Variants in ILKAP observed in about 807,000 individuals in gnomAD.
ILKAP encodes the protein integrin-linked kinase-associated serine/threonine phosphatase 2C.
A neutral mutation model predicts 49.1 loss-of-function variants in ILKAP; 11 were observed. That is an observed-to-expected ratio of 0.22 (90% CI 0.14 to 0.37). The LOEUF (loss-of-function observed/expected upper bound fraction) is 0.37, where lower values mean the gene tolerates loss of function less well. Ranked by LOEUF, ILKAP falls within the 10% of genes least tolerant of loss-of-function variation. ILKAP has a pLI of 1.00. For missense variants in ILKAP, 363 were observed against 510.8 expected (o/e 0.71, Z 2.79); for synonymous variants, 186 against 192.8 (o/e 0.96, Z 0.29).
At chr2:238,196,382 T>C (rs1340923239) in intron 1 of ILKAP, among the ~76,000 whole-genome samples, 1 of 152,084 alleles carries the variant, frequency 6.6e-6, no homozygotes, top group Non-Finnish European at 1.5e-5. Context: ...TGAGCCACCA[T>C]GTCTGGTCTA....
intron 9 of ILKAP, among the ~76,000 whole-genome samples, chr2:238,174,349 A>G (rs1487383629): frequency 1.3e-5 from 2 of 152,330 alleles, no homozygotes; most frequent in Admixed American, 1.3e-4. Flanking sequence ...ACTGCCCCAA[A>G]GAACAATTCT....
chr2:238,187,910 T>A (rs1327789929), intron 5 of ILKAP, among the ~76,000 whole-genome samples: 2 of 152,188 alleles, frequency 1.3e-5, no homozygotes, highest in African/African-American at 4.8e-5. Context: ...ACCCACCAGA[T>A]GCCAGTAACA....
intron 8 of ILKAP, among the ~76,000 whole-genome samples, chr2:238,183,079 G>T (rs1357022825): frequency 2.0e-5 from 3 of 152,154 alleles, no homozygotes; most frequent in Non-Finnish European, 2.9e-5. Context: ...GGCAGGGTCT[G>T]CATCCAGCTT....
rs1559293282 is a variant in ILKAP at position 238,183,742 on chromosome 2, TG to T, written c.627-3del. The T allele has an allele frequency of 2.5e-6, 4 of 1,611,014 alleles. No individual in the cohort carries two copies. Among genetic ancestry groups the T allele is most frequent in the East Asian group, 2.2e-5 (1 of 44,860 alleles). ...GACCCATCTTTCCAGGCAGGCTTCC[TG>T]GGGGGAAACACATCAGAAACACAGT... On this transcript the variant is annotated splice_region_variant and splice_polypyrimidine_tract_variant and intron_variant, in intron 7 of 11. Transcript: ENST00000254654.
chr2:238,172,696 C>A (rs1693279299), intron 10 of ILKAP, among the ~76,000 whole-genome samples: 2 of 152,220 alleles, frequency 1.3e-5, no homozygotes, highest in Non-Finnish European at 2.9e-5. Flanking sequence ...CAAAGCAAGG[C>A]ACGCGCTCTT....
At chr2:238,172,832 G>A (rs1475669073) in intron 10 of ILKAP, among the ~76,000 whole-genome samples, 1 of 152,142 alleles carries the variant, frequency 6.6e-6, no homozygotes, top group Non-Finnish European at 1.5e-5. Flanking sequence ...AGCTTTCCTT[G>A]ACCCCTCCTG....
chr2:238,197,089 G>A (rs2106341119), intron 1 of ILKAP, among the ~76,000 whole-genome samples: 1 of 152,308 alleles, frequency 6.6e-6, no homozygotes, highest in East Asian at 1.9e-4. Flanking sequence ...CCAGCTACTT[G>A]GGAGGCTGAA....
At chr2:238,188,357 C>A (rs1190820508) in intron 4 of ILKAP, 100 bp from the exon 5 acceptor site, 1 of 1,389,822 alleles carries the variant, frequency 7.2e-7, no homozygotes, top group African/African-American at 1.4e-5. Flanking sequence ...CTGTCTGACT[C>A]AGCAATATCC....
chr2:238,175,742 C>A (rs1446960987), intron 9 of ILKAP, among the ~76,000 whole-genome samples: 1 of 152,198 alleles, frequency 6.6e-6, no homozygotes, highest in African/African-American at 2.4e-5. Flanking sequence ...CCACAGGCTT[C>A]GTCCTTCCCA....
chr2:238,185,697 G>T lies in ILKAP; in HGVS notation c.426-410C>A, dbSNP rs34413717. ...CAGGCACCTACAGTCCCAGCTACTC[G>T]GGAGGCTGAGGCAGGAGAATGGCGT... On this transcript the variant is annotated intron_variant, in intron 5 of 11. Transcript: ENST00000254654. 1,259 of 158,074 alleles carry T rather than the reference G, an allele frequency of 8.0e-3. 45 individuals carry two copies. Among genetic ancestry groups the T allele is most frequent in the East Asian group, 0.048 (262 of 5,434 alleles). 9.8% of individuals were successfully genotyped at this position (158,074 alleles called of 1,614,324 possible).
chr2:238,194,394 C>G, intron 2 of ILKAP, 63 bp from the exon 3 acceptor site: 1 of 1,497,606 alleles, frequency 6.7e-7, no homozygotes, highest in Non-Finnish European at 9.3e-7. Context: ...GTTTCAGAAT[C>G]CATCCCACCA....
chr2:238,172,197 GC>G (rs1574776233), intron 10 of ILKAP, among the ~76,000 whole-genome samples: 1 of 151,932 alleles, frequency 6.6e-6, no homozygotes, highest in African/African-American at 2.4e-5. Context: ...GATTACAGGC[GC>G]CCACCACCAC....
chr2:238,186,136 T>C (rs1693899459), intron 5 of ILKAP: 1 of 152,252 alleles, frequency 6.6e-6, no homozygotes, highest in African/African-American at 2.4e-5. Flanking sequence ...GTGACTTTGT[T>C]GTGTGAACAT....
chr2:238,199,355 A>G (rs1694477613), intron 1 of ILKAP, among the ~76,000 whole-genome samples: 1 of 152,228 alleles, frequency 6.6e-6, no homozygotes, highest in Non-Finnish European at 1.5e-5. Context: ...CTGTTCCCCA[A>G]AAAGTTGTAA....
intron 9 of ILKAP, among the ~76,000 whole-genome samples, chr2:238,180,358 C>G (rs1693637981): frequency 6.6e-6 from 1 of 152,170 alleles, no homozygotes; most frequent in Admixed American, 6.5e-5. Context: ...AAAATTCTCA[C>G]TAATTATGTC....
At chr2:238,179,073 G>A (rs1462063506) in intron 9 of ILKAP, among the ~76,000 whole-genome samples, 1 of 152,150 alleles carries the variant, frequency 6.6e-6, no homozygotes, top group Non-Finnish European at 1.5e-5. Flanking sequence ...GAAGTGCTGG[G>A]ATTACAGATG....
At chr2:238,173,328 T>C (rs1693308502) in intron 10 of ILKAP, among the ~76,000 whole-genome samples, 1 of 147,304 alleles carries the variant, frequency 6.8e-6, no homozygotes, top group South Asian at 2.2e-4. Flanking sequence ...TAGGACACAC[T>C]GGACTGCAGC....
intron 10 of ILKAP, among the ~76,000 whole-genome samples, chr2:238,172,582 A>T (rs1233818664): frequency 6.6e-6 from 1 of 152,206 alleles, no homozygotes; most frequent in Non-Finnish European, 1.5e-5. Context: ...CGGCTGCTGG[A>T]GAGATGATGG....
At chr2:238,190,137 G>C (rs764899903) in intron 3 of ILKAP, among the ~76,000 whole-genome samples, 165 bp from the exon 4 acceptor site, 1 of 152,118 alleles carries the variant, frequency 6.6e-6, no homozygotes, top group South Asian at 2.1e-4. Flanking sequence ...GGCGGGGAGG[G>C]GGAGGGGGGT....
Sources: gnomAD v4.1 joint callset for allele counts (sites outside exome capture counted in the v4.1 genomes callset) on GRCh38, gnomAD v4.1.1 for gene constraint, MANE v1.5 for transcripts, NCBI Gene and HGNC (gene_info 2026-07-23, HGNC 2026-07-21) for gene names.